The following RYR3 variants were observed in gnomAD, a reference collection of about 807,000 sequenced individuals.
RYR3 encodes the protein ryanodine receptor 3.
In RYR3, 207 loss-of-function variants were observed where a neutral mutation model predicts 584.3. That is an observed-to-expected ratio of 0.35 (90% CI 0.32 to 0.40). The LOEUF (loss-of-function observed/expected upper bound fraction) is 0.40, where lower values mean the gene tolerates loss of function less well. RYR3 is among the 10% of genes least tolerant of loss of function. RYR3 has a pLI of 1.00. For missense variants in RYR3, 5,616 were observed against 6,089.2 expected, an observed-to-expected ratio of 0.92 and a Z score of 2.59; for synonymous variants, 2,416 against 2,248.5, an observed-to-expected ratio of 1.07 and a Z score of -2.11.
At chr15:33,445,728 G>T (rs1396003255) in intron 1 of RYR3, among the ~76,000 whole-genome samples, 1 of 136,482 alleles carries the variant, frequency 7.3e-6, no homozygotes, top group African/African-American at 2.8e-5. Context: ...AGCCATTTGA[G>T]ATTCCTGGAA....
In RYR3 at chr15:33,354,031, A is replaced by T. The variant is rs528633322; in HGVS notation, c.51+42935A>T. 2.6e-5 allele frequency among the ~76,000 whole-genome samples: 4 copies of T among 152,266 alleles called. No individual in the cohort carries two copies. In the South Asian group the frequency reaches 8.3e-4, roughly 32 times the overall value. On this transcript the variant is annotated intron_variant, in intron 1 of 103. Coordinates refer to ENST00000634891, the MANE Select transcript of RYR3 (RefSeq NM_001036.6). Reference sequence around the variant, plus strand: ...CAGAATCAAAGGAAAGCTTGACATGACCTCTTAGGGTCACTCTTTTGATTC... The same window carrying T: ...CAGAATCAAAGGAAAGCTTGACATGTCCTCTTAGGGTCACTCTTTTGATTC...
intron 1 of RYR3, among the ~76,000 whole-genome samples, chr15:33,458,963 A>T (rs1233604129): frequency 6.6e-6 from 1 of 152,192 alleles, no homozygotes; most frequent in Non-Finnish European, 1.5e-5. Flanking sequence ...CTGTGATGTC[A>T]TGCCTGTATT....
rs1454062620 is a variant in RYR3, at chr15:33,602,763, G to A, written c.1923-360G>A. Among the ~76,000 whole-genome samples, 4 of 43,272 alleles carry A rather than the reference G, an allele frequency of 9.2e-5. No individual in the cohort carries two copies. In the South Asian group the frequency reaches 3.0e-3, roughly 33 times the overall value. 28.4% of individuals were successfully genotyped at this position (43,272 alleles called of 152,430 possible). On this transcript the variant is annotated intron_variant, in intron 17 of 103. Transcript: ENST00000634891. ...TTTTTTTTTTTTTTTTTTTTTTTTT[G>A]GAGACAAGGTCTCACTCTGCTGCCC...
intron 1 of RYR3, among the ~76,000 whole-genome samples, chr15:33,408,050 G>A (rs1244293119): frequency 1.3e-5 from 2 of 151,558 alleles, no homozygotes; most frequent in East Asian, 3.9e-4. Flanking sequence ...GATTCTGGGG[G>A]TATGTATGCT....
intron 1 of RYR3, among the ~76,000 whole-genome samples, chr15:33,370,166 A>G (rs2040227171): frequency 6.6e-6 from 1 of 152,206 alleles, no homozygotes; most frequent in Non-Finnish European, 1.5e-5. Flanking sequence ...TTAGGAACTG[A>G]AGGCTTTTCC....
intron 1 of RYR3, among the ~76,000 whole-genome samples, chr15:33,373,365 C>G (rs1434970560): frequency 1.3e-5 from 2 of 152,192 alleles, no homozygotes; most frequent in Non-Finnish European, 2.9e-5. Flanking sequence ...GACAGACTTT[C>G]CACAAGGTAC....
chr15:33,734,561 A>G lies in RYR3; in HGVS notation c.7425-1674A>G, dbSNP rs181922333. 2.3e-4 allele frequency among the ~76,000 whole-genome samples: 35 copies of G among 152,314 alleles called. No homozygotes were observed. In the East Asian group the frequency reaches 6.4e-3, roughly 28 times the overall value. On this transcript the variant is annotated intron_variant, in intron 48 of 103. Coordinates refer to ENST00000634891, the MANE Select transcript of RYR3 (RefSeq NM_001036.6). Reference sequence around the variant, plus strand: ...GAACTCCAGGTGTATTTTAGAAACCACATCAACCAAGGACCCCTGCCTCCC... The same window carrying G: ...GAACTCCAGGTGTATTTTAGAAACCGCATCAACCAAGGACCCCTGCCTCCC...
At chr15:33,847,057 C>T (rs1596992075) in intron 93 of RYR3, 1 of 152,310 alleles carries the variant, frequency 6.6e-6, no homozygotes, top group Middle Eastern at 3.4e-3. Flanking sequence ...CTTGGAATCC[C>T]AGAGATGAGC....
chr15:33,823,270 T>C (rs1370325890), intron 81 of RYR3, among the ~76,000 whole-genome samples, 198 bp downstream of exon 81: 2 of 152,106 alleles, frequency 1.3e-5, no homozygotes, highest in East Asian at 3.9e-4. Flanking sequence ...GAGGGGAAAA[T>C]GTGATTGCCA....
At position 33,603,301 on chromosome 15, in the gene RYR3, G is replaced by C. The variant is rs1445767468; in HGVS notation, c.2101G>C (p.Gly701Arg). 1 of 1,613,540 alleles carries C rather than the reference G, an allele frequency of 6.2e-7. No individual in the cohort carries two copies. The highest frequency in any genetic ancestry group is 1.7e-5 in the Admixed American group (1 of 59,980). Residue 701 changes from glycine (G) to arginine (R), a missense_variant, in exon 18 of 104, where the codon GGA becomes CGA. Coordinates refer to ENST00000634891, the MANE Select transcript of RYR3 (RefSeq NM_001036.6). ...APYPGGGEGW[G>R]GNGVGDDLYS... The stretch of plus-strand genomic sequence containing the variant: ...ATACCCAGGAGGTGGAGAAGGATGG[G>C]GAGGCAATGGTGTTGGTGACGACCT...
At chr15:33,793,827 A>T (rs1006469105) in intron 67 of RYR3, among the ~76,000 whole-genome samples, 4 of 151,004 alleles carry the variant, frequency 2.6e-5, no homozygotes, top group African/African-American at 9.7e-5. Flanking sequence ...TATAAGGTAA[A>T]TTGTAGTTAC....
At chr15:33,475,373 G>A (rs917613470) in intron 2 of RYR3, among the ~76,000 whole-genome samples, 13 of 152,146 alleles carry the variant, frequency 8.5e-5, no homozygotes, top group African/African-American at 2.4e-4. Context: ...GTTTTTCCAC[G>A]GATGGTGGGA....
intron 42 of RYR3, 138 bp downstream of exon 42, chr15:33,701,218 T>C (rs1174549820): frequency 8.2e-6 from 5 of 608,018 alleles, no homozygotes; most frequent in Non-Finnish European, 1.5e-5. Flanking sequence ...TGTGAAAGAA[T>C]GTGAGTAACC....
rs1178213098 is a variant in RYR3 at position 33,669,850 on chromosome 15, G to GC, written c.5722+394_5722+395insC. Among the ~76,000 whole-genome samples, 8 of 47,538 alleles carry GC rather than the reference G, an allele frequency of 1.7e-4. 2 individuals are homozygous for GC. The highest frequency in any genetic ancestry group is 4.7e-4 in the African/African-American group (8 of 16,996). 31.2% of individuals were successfully genotyped at this position (47,538 alleles called of 152,430 possible). A position where few individuals can be genotyped will look rare whatever the true frequency, so the allele number is the denominator to read the frequency against. On this transcript the variant is annotated intron_variant, in intron 37 of 103. Transcript: ENST00000634891. ...ATTAGGGGTGTGTGTGTGTGGGGGG[G>GC]GGGGGGGGTGTGGGTGTGTGGGTGT...
At chr15:33,402,975 C>T (rs2042782073) in intron 1 of RYR3, among the ~76,000 whole-genome samples, 1 of 152,216 alleles carries the variant, frequency 6.6e-6, no homozygotes, top group Non-Finnish European at 1.5e-5. Flanking sequence ...CTGCTATGAG[C>T]AACCAAGTCC....
chr15:33,376,325 A>T (rs182857948), intron 1 of RYR3, among the ~76,000 whole-genome samples: 13 of 152,278 alleles, frequency 8.5e-5, no homozygotes, highest in Non-Finnish European at 1.6e-4. Context: ...GTTGAGTAAT[A>T]TTCCTTTGTA....
Position 33,556,729 on chromosome 15 carries a change from G to A in RYR3, c.973-6108G>A, listed in dbSNP as rs116808906. Among the ~76,000 whole-genome samples, 574 of 152,084 alleles carry A rather than the reference G, an allele frequency of 3.8e-3. 4 individuals carry two copies. Among genetic ancestry groups the A allele is most frequent in the African/African-American group, 0.013 (547 of 41,478 alleles). On this transcript the variant is annotated intron_variant, in intron 10 of 103. Coordinates refer to ENST00000634891, the MANE Select transcript of RYR3 (RefSeq NM_001036.6). ...GATTCCAGCATTCTTCTTGCCGTGC[G>A]GTGCCCCTTTTACTAGAAAGCCAAT...
rs186822017 is a variant in RYR3, at chr15:33,598,329, C to T, written c.1789-3090C>T. Reference sequence around the variant, plus strand: ...CATGAAGACCTTTCAAATACAAACACGCACACTTGGATGTTAGCCTTTTAA... The same window carrying T: ...CATGAAGACCTTTCAAATACAAACATGCACACTTGGATGTTAGCCTTTTAA... On this transcript the variant is annotated intron_variant, in intron 16 of 103. Coordinates refer to ENST00000634891, the MANE Select transcript of RYR3 (RefSeq NM_001036.6). 9.2e-3 allele frequency among the ~76,000 whole-genome samples: 1,375 copies of T among 149,892 alleles called. 21 individuals are homozygous for T. The highest frequency in any genetic ancestry group is 0.032 in the African/African-American group (1,281 of 40,656).
At chr15:33,718,917 G>A (rs1397637085) in intron 43 of RYR3, among the ~76,000 whole-genome samples, 2 of 152,126 alleles carry the variant, frequency 1.3e-5, no homozygotes, top group Non-Finnish European at 2.9e-5. Context: ...ATTGTTGCAA[G>A]CCCTTGGGCA....
Sources: gnomAD v4.1 joint callset for allele counts (sites outside exome capture counted in the v4.1 genomes callset) on GRCh38, gnomAD v4.1.1 for gene constraint, MANE v1.5 for transcripts, NCBI Gene and HGNC (gene_info 2026-07-23, HGNC 2026-07-21) for gene names.